KCTD8: variants seen among roughly 807,000 people sequenced by gnomAD.
The protein encoded by KCTD8 is potassium channel tetramerization domain containing 8.
KCTD8 carries 27 observed loss-of-function variants against 31.5 expected under a neutral mutation model. The observed-to-expected ratio is 0.86, with a 90% CI of 0.63 to 1.18. The LOEUF (loss-of-function observed/expected upper bound fraction) is 1.18, where lower values mean the gene tolerates loss of function less well. Ranked by LOEUF, KCTD8 falls within the 50% of genes most tolerant of loss-of-function variation. The pLI, the probability that KCTD8 is intolerant of heterozygous loss-of-function variation, is 0.00. For missense variants in KCTD8, 658 were observed against 647.7 expected (o/e 1.02, Z -0.17); for synonymous variants, 290 against 280.0 (o/e 1.04, Z -0.36).
intron 1 of KCTD8, among the ~76,000 whole-genome samples, chr4:44,372,567 T>C (rs1356649837): frequency 6.6e-6 from 1 of 152,184 alleles, no homozygotes; most frequent in Non-Finnish European, 1.5e-5. Context: ...AAAGAGGATG[T>C]CTTCTGAAGA....
intron 1 of KCTD8, among the ~76,000 whole-genome samples, chr4:44,387,975 G>T (rs185564625): frequency 6.7e-6 from 1 of 148,856 alleles, no homozygotes; most frequent in African/African-American, 2.5e-5. Flanking sequence ...TCTAACAAAG[G>T]TCTAACATTC....
chr4:44,267,718 A>G lies in KCTD8; in HGVS notation c.962-92468T>C, dbSNP rs541428304. The stretch of plus-strand genomic sequence containing the variant: ...AAAAAATGATAAAGGGGATATCACC[A>G]CTGATCCCACAGAAATACAAATTAC... On this transcript the variant is annotated intron_variant, in intron 1 of 1. Coordinates refer to ENST00000360029, the MANE Select transcript of KCTD8 (RefSeq NM_198353.3). 3.3e-5 allele frequency among the ~76,000 whole-genome samples: 5 copies of G among 152,334 alleles called. No individual in the cohort carries two copies. The East Asian group carries it at 9.7e-4, about 29-fold the overall frequency.
chr4:44,227,484 G>A (rs1281032881), intron 1 of KCTD8, among the ~76,000 whole-genome samples: 1 of 152,066 alleles, frequency 6.6e-6, no homozygotes, highest in African/African-American at 2.4e-5. Context: ...CTTTCTTTTA[G>A]TCCTCAACTA....
intron 1 of KCTD8, among the ~76,000 whole-genome samples, chr4:44,355,289 T>C (rs1229172688): frequency 1.3e-5 from 2 of 152,184 alleles, no homozygotes; most frequent in African/African-American, 2.4e-5. Context: ...CTTAATAATA[T>C]AGTCACTAGA....
intron 1 of KCTD8, chr4:44,293,798 C>G: frequency 2.2e-6 from 1 of 451,320 alleles, no homozygotes; most frequent in South Asian, 1.6e-5. Context: ...TTTGAACTTA[C>G]GTAAGATTGA....
At chr4:44,352,898 C>A (rs1366668738) in intron 1 of KCTD8, among the ~76,000 whole-genome samples, 1 of 152,038 alleles carries the variant, frequency 6.6e-6, no homozygotes, top group African/African-American at 2.4e-5. Context: ...ATAATATCAA[C>A]TGCTTTCACC....
intron 1 of KCTD8, among the ~76,000 whole-genome samples, chr4:44,282,130 T>A (rs1467172374): frequency 6.6e-6 from 1 of 152,038 alleles, no homozygotes; most frequent in African/African-American, 2.4e-5. Context: ...ACTTCACAGA[T>A]GTTGTGTTTT....
intron 1 of KCTD8, among the ~76,000 whole-genome samples, chr4:44,344,384 C>A (rs960968842): frequency 6.6e-6 from 1 of 152,050 alleles, no homozygotes; most frequent in Non-Finnish European, 1.5e-5. Flanking sequence ...TTGGGTCTCC[C>A]TGTGTTGCCC....
Position 44,325,313 on chromosome 4 carries a change from C to T in KCTD8, c.961+122250G>A, listed in dbSNP as rs1718415673. On this transcript the variant is annotated intron_variant, in intron 1 of 1. Transcript: ENST00000360029. Reference sequence around the variant, plus strand: ...AGTTGAGGGCGAAGGAATACTGTTCCTAGAACTGCCATATTCTAGAACTCT... The same window carrying T: ...AGTTGAGGGCGAAGGAATACTGTTCTTAGAACTGCCATATTCTAGAACTCT... Among the ~76,000 whole-genome samples, 5 of 151,856 alleles carry T rather than the reference C, an allele frequency of 3.3e-5. No individual in the cohort carries two copies. The South Asian group carries it at 8.3e-4, about 25-fold the overall frequency.
At chr4:44,180,552 A>G (rs1713348167) in intron 1 of KCTD8, among the ~76,000 whole-genome samples, 1 of 151,814 alleles carries the variant, frequency 6.6e-6, no homozygotes, top group Non-Finnish European at 1.5e-5. Flanking sequence ...TGCCTCTCCA[A>G]TATTATTTTT....
At position 44,190,390 on chromosome 4, in the gene KCTD8, A is replaced by T. The variant is rs567515458; in HGVS notation, c.962-15140T>A. On this transcript the variant is annotated intron_variant, in intron 1 of 1. Transcript: ENST00000360029. ...CTTCACCTATGTGAATGATAGGTTG[A>T]CATCTGTTTATAATGATACTTGTTT... Among the ~76,000 whole-genome samples the T allele has an allele frequency of 1.5e-4, 23 of 152,324 alleles. No individual in the cohort carries two copies. In the East Asian group the frequency reaches 4.2e-3, roughly 28 times the overall value.
chr4:44,347,346 C>G (rs1719060743), intron 1 of KCTD8, among the ~76,000 whole-genome samples: 1 of 152,088 alleles, frequency 6.6e-6, no homozygotes, highest in East Asian at 1.9e-4. Context: ...TTCAATATTA[C>G]CAATGTGGCA....
chr4:44,438,288 T>C (rs1397068318), intron 1 of KCTD8, among the ~76,000 whole-genome samples: 1 of 152,210 alleles, frequency 6.6e-6, no homozygotes, highest in African/African-American at 2.4e-5. Flanking sequence ...AAGATATGTA[T>C]TTGAATCCAA....
intron 1 of KCTD8, among the ~76,000 whole-genome samples, chr4:44,354,927 C>A (rs1296133736): frequency 1.3e-5 from 2 of 152,032 alleles, no homozygotes; most frequent in Non-Finnish European, 2.9e-5. Context: ...CTATGAAATG[C>A]TCTTCATTTT....
At chr4:44,394,856 A>G (rs1022771272) in intron 1 of KCTD8, among the ~76,000 whole-genome samples, 2 of 152,156 alleles carry the variant, frequency 1.3e-5, no homozygotes, top group African/African-American at 4.8e-5. Context: ...ATTTTCTCAC[A>G]TCACAAAAAC....
At chr4:44,432,586 A>G (rs939688104) in intron 1 of KCTD8, among the ~76,000 whole-genome samples, 7 of 151,466 alleles carry the variant, frequency 4.6e-5, no homozygotes, top group South Asian at 4.2e-4. Context: ...TTATTTCTTT[A>G]CCCATCCTGG....
intron 1 of KCTD8, among the ~76,000 whole-genome samples, chr4:44,426,362 T>C (rs1471603387): frequency 6.6e-6 from 1 of 151,560 alleles, no homozygotes; most frequent in Non-Finnish European, 1.5e-5. Context: ...AGGAAGTTGA[T>C]AGATGAATAG....
intron 1 of KCTD8, among the ~76,000 whole-genome samples, chr4:44,361,694 G>A (rs566435654): frequency 6.6e-6 from 1 of 152,028 alleles, no homozygotes; most frequent in Non-Finnish European, 1.5e-5. Context: ...AATTTTTAAT[G>A]ATTTAATGAG....
chr4:44,419,225 A>C (rs1161482060), intron 1 of KCTD8, among the ~76,000 whole-genome samples: 2 of 152,180 alleles, frequency 1.3e-5, no homozygotes, highest in East Asian at 3.9e-4. Flanking sequence ...CATTCAAATC[A>C]CCAACAGCTA....
Sources: gnomAD v4.1 joint callset for allele counts (sites outside exome capture counted in the v4.1 genomes callset) on GRCh38, gnomAD v4.1.1 for gene constraint, MANE v1.5 for transcripts, NCBI Gene and HGNC (gene_info 2026-07-23, HGNC 2026-07-21) for gene names.